The following RIMS1 variants were observed in gnomAD, a reference collection of about 807,000 sequenced individuals.
RIMS1 encodes the protein regulating synaptic membrane exocytosis protein 1.
A neutral mutation model predicts 214.1 loss-of-function variants in RIMS1; 83 were observed. That is an observed-to-expected ratio of 0.39 (90% CI 0.32 to 0.47). The LOEUF (loss-of-function observed/expected upper bound fraction) is 0.47, where lower values mean the gene tolerates loss of function less well. Ranked by LOEUF, RIMS1 falls within the 20% of genes least tolerant of loss-of-function variation. The probability of loss-of-function intolerance (pLI) is 0.99; values close to 1 mark genes in which losing one functional copy is unlikely to be tolerated. For synonymous variants in RIMS1, 793 were observed against 786.8 expected, an observed-to-expected ratio of 1.01 and a Z score of -0.13; for missense variants, 2,050 against 2,161.8, an observed-to-expected ratio of 0.95 and a Z score of 1.03.
At chr6:72,301,845 T>A (rs1489423519) in intron 26 of RIMS1, among the ~76,000 whole-genome samples, 10 of 151,580 alleles carry the variant, frequency 6.6e-5, no homozygotes, top group Non-Finnish European at 1.5e-4. Context: ...ACAGATGTTT[T>A]TTAAATTGGG....
At chr6:72,290,233 G>A (rs1196672614) in intron 24 of RIMS1, among the ~76,000 whole-genome samples, 6 of 152,128 alleles carry the variant, frequency 3.9e-5, no homozygotes, top group Non-Finnish European at 2.9e-5. Flanking sequence ...AAATATAGAG[G>A]CCTACAGTAT....
chr6:71,886,920 C>A lies in RIMS1; in HGVS notation c.-104C>A, dbSNP rs954000987. On this transcript the variant is annotated 5_prime_UTR_variant, in exon 1 of 34. Transcript: ENST00000521978. ...CCGCTGCTCCTCCTCCTGCCGCCGC[C>A]GCTAGGGCTCCGCTGTGAGGGGGAA... 6.5e-6 allele frequency: 9 copies of A among 1,383,534 alleles called. No homozygotes were observed. The highest frequency in any genetic ancestry group is 1.3e-5 in the South Asian group (1 of 74,662). 85.7% of individuals were successfully genotyped at this position (1,383,534 alleles called of 1,614,324 possible). A position where few individuals can be genotyped will look rare whatever the true frequency, so the allele number is the denominator to read the frequency against.
At chr6:71,903,455 T>C (rs1405023143) in intron 1 of RIMS1, among the ~76,000 whole-genome samples, 1 of 152,130 alleles carries the variant, frequency 6.6e-6, no homozygotes, top group East Asian at 1.9e-4. Flanking sequence ...AAAGATTTCA[T>C]GACCAAAACG....
At chr6:71,922,298 A>G (rs1000534634) in intron 1 of RIMS1, among the ~76,000 whole-genome samples, 1 of 152,186 alleles carries the variant, frequency 6.6e-6, no homozygotes, top group Non-Finnish European at 1.5e-5. Context: ...CCAGTACCCA[A>G]TAAACAATAA....
chr6:72,230,540 G>A (rs778111883), intron 6 of RIMS1, among the ~76,000 whole-genome samples: 1 of 151,400 alleles, frequency 6.6e-6, no homozygotes, highest in Non-Finnish European at 1.5e-5. Context: ...AGGGATTTTT[G>A]TTTAATTGGC....
At chr6:72,206,339 G>C (rs2052907173) in intron 6 of RIMS1, among the ~76,000 whole-genome samples, 1 of 152,120 alleles carries the variant, frequency 6.6e-6, no homozygotes, top group Non-Finnish European at 1.5e-5. Context: ...TATGAAAGAA[G>C]ACTTTAGCAT....
At chr6:72,079,311 A>T (rs1832699625) in intron 2 of RIMS1, among the ~76,000 whole-genome samples, 1 of 152,306 alleles carries the variant, frequency 6.6e-6, no homozygotes, top group South Asian at 2.1e-4. Context: ...AAGCTGTTTG[A>T]TGTATCAAGC....
intron 4 of RIMS1, among the ~76,000 whole-genome samples, chr6:72,120,070 C>T (rs1013025076): frequency 4.0e-5 from 6 of 151,698 alleles, no homozygotes; most frequent in East Asian, 1.9e-4. Flanking sequence ...ACATTTGGGT[C>T]GGTTCCAAGT....
At chr6:71,891,780 C>T (rs1341468459) in intron 1 of RIMS1, among the ~76,000 whole-genome samples, 1 of 152,216 alleles carries the variant, frequency 6.6e-6, no homozygotes, top group Non-Finnish European at 1.5e-5. Flanking sequence ...GGATGTGCTA[C>T]TGCTGACTTG....
At chr6:72,390,516 T>A in intron 29 of RIMS1, 82 bp from the exon 30 acceptor site, 7 of 1,358,102 alleles carry the variant, frequency 5.2e-6, no homozygotes, top group Non-Finnish European at 7.1e-6. Context: ...TAAAATTAAC[T>A]ATTGTATTTG....
chr6:72,181,297 G>C (rs776046465), intron 5 of RIMS1, among the ~76,000 whole-genome samples: 8 of 152,194 alleles, frequency 5.3e-5, no homozygotes, highest in Non-Finnish European at 7.3e-5. Flanking sequence ...CAGTACAAGA[G>C]AATGAGTGTT....
chr6:72,170,375 G>A (rs189520055), intron 4 of RIMS1, among the ~76,000 whole-genome samples: 1 of 152,048 alleles, frequency 6.6e-6, no homozygotes, highest in East Asian at 1.9e-4. Context: ...TCAGAGTCTT[G>A]CACTGTTGCC....
At chr6:71,893,823 C>T (rs138634249) in intron 1 of RIMS1, among the ~76,000 whole-genome samples, 2 of 152,198 alleles carry the variant, frequency 1.3e-5, no homozygotes, top group African/African-American at 2.4e-5. Flanking sequence ...CCTGTTCATA[C>T]GAATGCTTAC....
intron 1 of RIMS1, among the ~76,000 whole-genome samples, chr6:71,892,959 T>C (rs940433969): frequency 6.6e-6 from 1 of 152,204 alleles, no homozygotes. Flanking sequence ...AGATAATCCA[T>C]CCAAGCATCA....
intron 29 of RIMS1, among the ~76,000 whole-genome samples, chr6:72,353,827 A>G (rs1369202576): frequency 6.6e-6 from 1 of 152,214 alleles, no homozygotes; most frequent in South Asian, 2.1e-4. Flanking sequence ...TCTTTAAAAC[A>G]AGCCAATGGA....
At chr6:72,392,982 ATGT>A (rs1425457400) in intron 31 of RIMS1, among the ~76,000 whole-genome samples, 172 bp downstream of exon 31, 1 of 151,964 alleles carries the variant, frequency 6.6e-6, no homozygotes. Context: ...CTAATTTGAG[ATGT>A]TATGAAAAAA....
intron 2 of RIMS1, among the ~76,000 whole-genome samples, chr6:72,005,286 AT>A (rs1360659832): frequency 6.6e-5 from 10 of 152,136 alleles, no homozygotes; most frequent in Non-Finnish European, 1.2e-4. Flanking sequence ...TTGTAGTATA[AT>A]TTGAAGTCAG....
At chr6:72,399,458 A>T (rs1224219095) in intron 33 of RIMS1, among the ~76,000 whole-genome samples, 1 of 152,096 alleles carries the variant, frequency 6.6e-6, no homozygotes, top group Non-Finnish European at 1.5e-5. Context: ...ATAGATACAG[A>T]TATAGCAAAC....
In RIMS1 at chr6:72,237,793, T is replaced by C. The variant is rs183174851; in HGVS notation, c.1858-30T>C. 105 of 1,512,488 alleles carry C rather than the reference T, an allele frequency of 6.9e-5. 1 individual carries two copies. The Admixed American group carries it at 1.7e-3, about 25-fold the overall frequency. The allele number at this position is 1,512,488 out of a possible 1,614,324, so 93.7% of individuals were successfully genotyped here. The stretch of plus-strand genomic sequence containing the variant: ...ATAAGCTTATGTTTTAGTATGAGTC[T>C]TGGAAACTTATAAATTTGTAATTAT... On this transcript the variant is annotated intron_variant, in intron 8 of 33. Transcript: ENST00000521978.
Sources: gnomAD v4.1 joint callset for allele counts (sites outside exome capture counted in the v4.1 genomes callset) on GRCh38, gnomAD v4.1.1 for gene constraint, MANE v1.5 for transcripts, NCBI Gene and HGNC (gene_info 2026-07-23, HGNC 2026-07-21) for gene names.